RNF6: variants seen among roughly 807,000 people sequenced by gnomAD.
RNF6 encodes the protein ring finger protein 6.
A neutral mutation model predicts 50.1 loss-of-function variants in RNF6; 21 were observed. The ratio of observed to expected loss-of-function variants is 0.42; its 90% confidence interval spans 0.30 to 0.60. The LOEUF is 0.60. Among genes scored for constraint, RNF6 ranks in the 20% least tolerant of loss-of-function variants. The pLI is 0.20. For synonymous variants in RNF6, 255 were observed against 291.8 expected, an observed-to-expected ratio of 0.87 and a Z score of 1.29; for missense variants, 698 against 838.2, an observed-to-expected ratio of 0.83 and a Z score of 2.07.
At chr13:26,174,935 T>A (rs1001633099) in intron 5 of RNF6, among the ~76,000 whole-genome samples, 1 of 152,210 alleles carries the variant, frequency 6.6e-6, no homozygotes, top group African/African-American at 2.4e-5. Flanking sequence ...TTGAACTTAA[T>A]CACCTCTTTA....
At chr13:26,132,263 G>A (rs1870426084) in exon 6 of RNF6, 1 of 296,032 alleles carries the variant, frequency 3.4e-6, no homozygotes, top group Admixed American at 4.5e-5. Flanking sequence ...CAAAACAAAT[G>A]TTGTCATATT....
intron 5 of RNF6, among the ~76,000 whole-genome samples, chr13:26,141,106 T>C (rs1182344052): frequency 2.6e-5 from 4 of 152,164 alleles, no homozygotes; most frequent in Admixed American, 2.0e-4. Flanking sequence ...ACATCATTTT[T>C]CACGGAATTA....
intron 5 of RNF6, among the ~76,000 whole-genome samples, chr13:26,207,133 C>G (rs779816243): frequency 1.3e-4 from 19 of 151,176 alleles, no homozygotes; most frequent in South Asian, 2.1e-4. Flanking sequence ...TGAGGACTTG[C>G]AGGAGTGACA....
chr13:26,213,645 T>C lies in RNF6; in HGVS notation c.*179A>G, dbSNP rs753373197. The C allele has an allele frequency of 1.5e-5, 7 of 454,306 alleles. No individual in the cohort carries two copies. The Admixed American group carries it at 1.9e-4, about 13-fold the overall frequency. The allele number at this position is 454,306 out of a possible 1,614,324, so 28.1% of individuals were successfully genotyped here. On this transcript the variant is annotated 3_prime_UTR_variant, in exon 5 of 5. Transcript: ENST00000381588. ...GTATTTCTGGATAATTTAACATTTGTATTTTAAATTTTATATAAATTTCTT... is the reference window on the plus strand; with the variant it reads ...GTATTTCTGGATAATTTAACATTTGCATTTTAAATTTTATATAAATTTCTT...
chr13:26,151,765 A>G (rs1871614468), intron 5 of RNF6, among the ~76,000 whole-genome samples: 1 of 152,184 alleles, frequency 6.6e-6, no homozygotes, highest in Non-Finnish European at 1.5e-5. Context: ...TATTATAACA[A>G]TGTTAAAGGG....
intron 5 of RNF6, among the ~76,000 whole-genome samples, chr13:26,139,534 G>T (rs1004074086): frequency 6.6e-6 from 1 of 151,970 alleles, no homozygotes; most frequent in African/African-American, 2.4e-5. Context: ...AAAATCCCAC[G>T]GATACAAATA....
At chr13:26,140,321 C>G (rs1013643970) in intron 5 of RNF6, among the ~76,000 whole-genome samples, 1 of 152,144 alleles carries the variant, frequency 6.6e-6, no homozygotes, top group African/African-American at 2.4e-5. Context: ...ACAGCAGACT[C>G]AGAGAGACTC....
intron 5 of RNF6, among the ~76,000 whole-genome samples, chr13:26,160,481 C>T (rs1329926046): frequency 6.6e-6 from 1 of 151,860 alleles, no homozygotes; most frequent in Non-Finnish European, 1.5e-5. Context: ...ACCTCAGCCT[C>T]CCAAGTAGCT....
At chr13:26,188,919 C>T (rs774718799) in intron 5 of RNF6, among the ~76,000 whole-genome samples, 6 of 151,886 alleles carry the variant, frequency 4.0e-5, no homozygotes, top group Non-Finnish European at 7.4e-5. Context: ...TGAGCCACTG[C>T]GCCCGGCTCA....
At chr13:26,207,867 C>A (rs1288328932), downstream of RNF6, among the ~76,000 whole-genome samples, 1 of 152,216 alleles carries the variant, frequency 6.6e-6, no homozygotes, top group Non-Finnish European at 1.5e-5. Context: ...GGCCCCCACA[C>A]GGATGCAGAG....
At chr13:26,149,511 C>G (rs866868290) in intron 5 of RNF6, among the ~76,000 whole-genome samples, 1 of 151,608 alleles carries the variant, frequency 6.6e-6, no homozygotes, top group Non-Finnish European at 1.5e-5. Context: ...AGCGTGAACC[C>G]GGGAGGCGGA....
At chr13:26,132,764 A>G (rs550608547) in intron 5 of RNF6, among the ~76,000 whole-genome samples, 22 of 152,240 alleles carry the variant, frequency 1.4e-4, no homozygotes, top group Non-Finnish European at 2.4e-4. Flanking sequence ...ACATTTATGT[A>G]TGTAGCTGAT....
intron 5 of RNF6, among the ~76,000 whole-genome samples, chr13:26,183,996 A>ATATATATATT (rs1360968692): frequency 4.1e-3 from 112 of 27,460 alleles, no homozygotes; most frequent in African/African-American, 0.02. Context: ...AATAAAATAT[A>ATATATATATT]TATATATATA....
At chr13:26,166,686 G>A (rs531172317) in intron 5 of RNF6, among the ~76,000 whole-genome samples, 1 of 152,192 alleles carries the variant, frequency 6.6e-6, no homozygotes, top group Non-Finnish European at 1.5e-5. Context: ...TTGGGAGGCT[G>A]AGGTGGGTGG....
chr13:26,153,856 T>G (rs1871764937), intron 5 of RNF6, among the ~76,000 whole-genome samples: 1 of 152,190 alleles, frequency 6.6e-6, no homozygotes, highest in Non-Finnish European at 1.5e-5. Flanking sequence ...CCAGAGCATC[T>G]ATTGCTCATC....
chr13:26,206,474 G>A (rs1346931172), intron 5 of RNF6, among the ~76,000 whole-genome samples: 1 of 152,204 alleles, frequency 6.6e-6, no homozygotes, highest in African/African-American at 2.4e-5. Context: ...CTCTTGCTCT[G>A]TTTTGTTAAC....
intron 5 of RNF6, among the ~76,000 whole-genome samples, chr13:26,171,902 G>A (rs1203101895): frequency 6.6e-6 from 1 of 152,160 alleles, no homozygotes; most frequent in Non-Finnish European, 1.5e-5. Flanking sequence ...CGGGGCTAGG[G>A]GAAGGGGGTA....
At chr13:26,175,726 A>G (rs1872924497) in intron 5 of RNF6, among the ~76,000 whole-genome samples, 1 of 151,898 alleles carries the variant, frequency 6.6e-6, no homozygotes, top group Non-Finnish European at 1.5e-5. Context: ...GAAATAATCT[A>G]CCTTCCCCTC....
rs1312679951 is a variant in RNF6, at chr13:26,222,235, C to T, written c.-334G>A. On this transcript the variant is annotated 5_prime_UTR_variant, in exon 1 of 5. Coordinates refer to ENST00000381588, the MANE Select transcript of RNF6 (RefSeq NM_005977.4). ...GGGAGGAAGAACGGCAGGCCCCAGC[C>T]CTTCTTTCCCGACAGCCACGCCGCC... The T allele has an allele frequency of 1.3e-5, 2 of 152,354 alleles. No individual in the cohort carries two copies. Among genetic ancestry groups the T allele is most frequent in the African/African-American group, 4.8e-5 (2 of 41,460 alleles). 9.4% of individuals were successfully genotyped at this position (152,354 alleles called of 1,614,324 possible). A position where few individuals can be genotyped will look rare whatever the true frequency, so the allele number is the denominator to read the frequency against.
Sources: allele counts gnomAD v4.1 joint callset (sites outside exome capture counted in the v4.1 genomes callset), GRCh38; gene constraint gnomAD v4.1.1; transcripts MANE v1.5; gene names NCBI Gene and HGNC (gene_info 2026-07-23, HGNC 2026-07-21).